The following MCTP1 variants were observed in gnomAD, a reference collection of about 807,000 sequenced individuals.
The protein encoded by MCTP1 is multiple C2 and transmembrane domain-containing protein 1.
MCTP1 carries 69 observed loss-of-function variants against 120.6 expected under a neutral mutation model. The ratio of observed to expected loss-of-function variants is 0.57; its 90% CI spans 0.47 to 0.70. The LOEUF (loss-of-function observed/expected upper bound fraction) is 0.70. Ranked by LOEUF, MCTP1 falls within the 30% of genes least tolerant of loss-of-function variation. The pLI is 0.00. For synonymous variants in MCTP1, 529 were observed against 493.1 expected (o/e 1.07, Z -0.96); for missense variants, 1,203 against 1,248.8 (o/e 0.96, Z 0.55).
rs979030570 is a variant in MCTP1 at position 94,910,211 on chromosome 5, T to C, written c.1522-830A>G. Reference sequence around the variant, plus strand: ...GTGCATACATATATGTATATATACATATATGTGTATACATATATGTATGTA... The same window carrying C: ...GTGCATACATATATGTATATATACACATATGTGTATACATATATGTATGTA... On this transcript the variant is annotated intron_variant, in intron 9 of 22. Transcript: ENST00000515393. 3.3e-5 allele frequency among the ~76,000 whole-genome samples: 5 copies of C among 151,666 alleles called. No individual in the cohort carries two copies. In the South Asian group the frequency reaches 1.0e-3, roughly 32 times the overall value.
At chr5:94,927,185 C>A (rs1228765589) in intron 6 of MCTP1, among the ~76,000 whole-genome samples, 1 of 152,128 alleles carries the variant, frequency 6.6e-6, no homozygotes, top group African/African-American at 2.4e-5. Flanking sequence ...TATCTACTGA[C>A]ATTATAATAT....
intron 1 of MCTP1, among the ~76,000 whole-genome samples, chr5:95,092,138 G>A (rs941843955): frequency 1.3e-5 from 2 of 152,208 alleles, no homozygotes; most frequent in Admixed American, 6.5e-5. Flanking sequence ...ATCTAGCTAA[G>A]GAGATATTCA....
chr5:95,148,441 G>A (rs1760609315), intron 1 of MCTP1, among the ~76,000 whole-genome samples: 1 of 152,158 alleles, frequency 6.6e-6, no homozygotes, highest in African/African-American at 2.4e-5. Context: ...TTGAATGAAA[G>A]TAGTCTTCAA....
Position 94,939,757 on chromosome 5 carries a change from C to G in MCTP1, c.1173+327G>C, listed in dbSNP as rs150338912. 1.7e-3 allele frequency among the ~76,000 whole-genome samples: 257 copies of G among 152,026 alleles called. 1 individual carries two copies. Among genetic ancestry groups the G allele is most frequent in the African/African-American group, 6.0e-3 (248 of 41,484 alleles). On this transcript the variant is annotated intron_variant, in intron 5 of 22. Transcript: ENST00000515393. ...GTCTGGATACCGTAATGTGGAATTC[C>G]AAGTATTCAATTCACTAATAAATGT...
chr5:95,211,059 G>T (rs1266920916), intron 1 of MCTP1, among the ~76,000 whole-genome samples: 1 of 151,662 alleles, frequency 6.6e-6, no homozygotes, highest in Non-Finnish European at 1.5e-5. Flanking sequence ...TAGTCTGATG[G>T]GCTTCCCTTT....
intron 11 of MCTP1, among the ~76,000 whole-genome samples, chr5:94,893,364 T>C (rs1446843426): frequency 6.6e-6 from 1 of 152,210 alleles, no homozygotes; most frequent in Non-Finnish European, 1.5e-5. Context: ...TTGTAATTCA[T>C]GAGGCTCACT....
intron 1 of MCTP1, among the ~76,000 whole-genome samples, chr5:95,143,887 G>A (rs1314866251): frequency 6.6e-6 from 1 of 152,110 alleles, no homozygotes; most frequent in African/African-American, 2.4e-5. Flanking sequence ...TATCTTTTAT[G>A]TAGAAAATTT....
intron 1 of MCTP1, among the ~76,000 whole-genome samples, chr5:95,275,613 G>C (rs1221667349): frequency 6.6e-6 from 1 of 152,126 alleles, no homozygotes; most frequent in Non-Finnish European, 1.5e-5. Context: ...TATCCAAAAT[G>C]TTATCCCAAC....
chr5:95,070,750 C>T (rs977280700), intron 1 of MCTP1, among the ~76,000 whole-genome samples: 2 of 152,170 alleles, frequency 1.3e-5, no homozygotes, highest in African/African-American at 2.4e-5. Flanking sequence ...GTCCCAGCTG[C>T]GGCTTGGTGA....
At chr5:95,134,303 C>T (rs767544233) in intron 1 of MCTP1, among the ~76,000 whole-genome samples, 1 of 152,012 alleles carries the variant, frequency 6.6e-6, no homozygotes, top group Non-Finnish European at 1.5e-5. Flanking sequence ...TTTATCTGGC[C>T]CAAATTCTGA....
At chr5:94,937,156 A>G (rs929732217) in intron 5 of MCTP1, among the ~76,000 whole-genome samples, 1 of 152,128 alleles carries the variant, frequency 6.6e-6, no homozygotes, top group African/African-American at 2.4e-5. Flanking sequence ...AGAAGCCACA[A>G]GAGAGTCAAT....
At chr5:95,103,554 G>A (rs934020652) in intron 1 of MCTP1, among the ~76,000 whole-genome samples, 4 of 152,178 alleles carry the variant, frequency 2.6e-5, no homozygotes, top group African/African-American at 4.8e-5. Flanking sequence ...TCAGTGAGGA[G>A]CCATTGCTAC....
At chr5:94,953,051 C>A (rs1821022152) in intron 3 of MCTP1, among the ~76,000 whole-genome samples, 168 bp downstream of exon 3, 1 of 152,298 alleles carries the variant, frequency 6.6e-6, no homozygotes. Context: ...CCTGCTAGCT[C>A]CTCCTTCCCT....
intron 12 of MCTP1, among the ~76,000 whole-genome samples, chr5:94,874,588 C>G (rs1419917954): frequency 2.0e-5 from 3 of 152,050 alleles, no homozygotes; most frequent in Non-Finnish European, 4.4e-5. Flanking sequence ...GAATAGAGAA[C>G]TGGAAGTCTT....
At chr5:94,837,221 T>TA (rs549092704) in intron 17 of MCTP1, among the ~76,000 whole-genome samples, 6 of 151,678 alleles carry the variant, frequency 4.0e-5, no homozygotes, top group Non-Finnish European at 5.9e-5. Context: ...CTACTAAAAA[T>TA]AAAAAAACAT....
chr5:95,009,657 T>G (rs116227548), intron 2 of MCTP1, among the ~76,000 whole-genome samples: 1,878 of 152,014 alleles, frequency 0.012, 16 homozygotes, highest in Middle Eastern at 0.024. Flanking sequence ...TCATGTATTT[T>G]TATTCGCTAA....
intron 1 of MCTP1, among the ~76,000 whole-genome samples, chr5:95,091,135 C>G (rs529300439): frequency 1.3e-5 from 2 of 152,182 alleles, no homozygotes; most frequent in East Asian, 3.9e-4. Context: ...CTGGTGTCTC[C>G]CTCCTTATTT....
At position 94,799,004 on chromosome 5, in the gene MCTP1, G is replaced by C. The variant is rs887813521; in HGVS notation, c.2556+9C>G. On this transcript the variant is annotated intron_variant, in intron 18 of 22. Coordinates refer to ENST00000515393, the MANE Select transcript of MCTP1 (RefSeq NM_024717.7). ...AAAAACACATACAAGTAAGAGAGTA[G>C]AGACTTACTGTATCACGTTGCCTGT... 6.2e-7 allele frequency: 1 copy of C among 1,608,134 alleles called. No homozygotes were observed. Among genetic ancestry groups the C allele is most frequent in the Non-Finnish European group, 8.5e-7 (1 of 1,177,304 alleles).
intron 2 of MCTP1, among the ~76,000 whole-genome samples, chr5:95,005,663 T>C (rs2153645175): frequency 6.6e-6 from 1 of 152,204 alleles, no homozygotes; most frequent in South Asian, 2.1e-4. Context: ...TGTGCCTGCT[T>C]CCCCTTCACC....
Sources: allele counts gnomAD v4.1 joint callset (sites outside exome capture counted in the v4.1 genomes callset), GRCh38; gene constraint gnomAD v4.1.1; transcripts MANE v1.5; gene names NCBI Gene and HGNC (gene_info 2026-07-23, HGNC 2026-07-21).